The following KIAA0825 variants were observed in gnomAD, a reference collection of about 807,000 sequenced individuals.
KIAA0825 encodes the protein KIAA0825, also known as uncharacterized protein KIAA0825.
A neutral mutation model predicts 147.6 loss-of-function variants in KIAA0825; 119 were observed. That is an observed-to-expected ratio of 0.81 (90% CI 0.69 to 0.94). KIAA0825 has a LOEUF of 0.94. KIAA0825 is among the 40% of genes least tolerant of loss of function. The pLI, the probability that KIAA0825 is intolerant of heterozygous loss-of-function variation, is 0.00. For missense variants in KIAA0825, 1,381 were observed against 1,472.7 expected, an observed-to-expected ratio of 0.94 and a Z score of 1.02; for synonymous variants, 470 against 518.1, an observed-to-expected ratio of 0.91 and a Z score of 1.26.
At chr5:94,477,658 GA>G (rs1762043642) in intron 6 of KIAA0825, among the ~76,000 whole-genome samples, 2 of 152,016 alleles carry the variant, frequency 1.3e-5, no homozygotes, top group South Asian at 4.1e-4. Context: ...AAACAAAGAA[GA>G]AAAATACATA....
intron 20 of KIAA0825, among the ~76,000 whole-genome samples, chr5:94,375,033 C>CTTTT (rs35435550): frequency 3.8e-5 from 5 of 130,494 alleles, no homozygotes; most frequent in South Asian, 2.4e-4. Context: ...CTTTCCTTCT[C>CTTTT]TTTTTTTTTT....
At chr5:94,191,354 G>T (rs930169740) in intron 20 of KIAA0825, among the ~76,000 whole-genome samples, 1 of 152,080 alleles carries the variant, frequency 6.6e-6, no homozygotes. Context: ...GTGATTAGGG[G>T]CAGGACTAAG....
At chr5:94,310,495 T>A (rs1320437844) in intron 20 of KIAA0825, among the ~76,000 whole-genome samples, 1 of 151,774 alleles carries the variant, frequency 6.6e-6, no homozygotes, top group African/African-American at 2.4e-5. Context: ...AAAATAGTTT[T>A]TGTTCTTAGT....
At chr5:94,532,245 T>C (rs1770939025) in intron 3 of KIAA0825, among the ~76,000 whole-genome samples, 1 of 152,098 alleles carries the variant, frequency 6.6e-6, no homozygotes, top group Non-Finnish European at 1.5e-5. Flanking sequence ...CCTCCCAGGC[T>C]CAAGCGATCC....
intron 1 of KIAA0825, among the ~76,000 whole-genome samples, chr5:94,607,273 T>G (rs1787660512): frequency 6.6e-6 from 1 of 152,002 alleles, no homozygotes; most frequent in South Asian, 2.1e-4. Context: ...AACAAAACAT[T>G]ATATGTCATT....
chr5:94,519,998 TA>T (rs1767860731), intron 5 of KIAA0825: 9 of 1,108,248 alleles, frequency 8.1e-6, no homozygotes, highest in Non-Finnish European at 1.0e-5. Flanking sequence ...CAAGAGAAAT[TA>T]AACTCTTATT....
intron 20 of KIAA0825, among the ~76,000 whole-genome samples, chr5:94,195,132 G>A (rs1045143327): frequency 9.9e-5 from 15 of 152,164 alleles, no homozygotes; most frequent in Non-Finnish European, 1.5e-4. Context: ...TGTACTCCCC[G>A]TGGTGACTGA....
intron 20 of KIAA0825, among the ~76,000 whole-genome samples, chr5:94,342,056 C>A (rs571142644): frequency 1.3e-5 from 2 of 151,862 alleles, no homozygotes; most frequent in East Asian, 3.9e-4. Flanking sequence ...GTTAGCCGGG[C>A]GTGGTGGCAG....
intron 1 of KIAA0825, among the ~76,000 whole-genome samples, chr5:94,586,658 T>C (rs1321610740): frequency 1.3e-5 from 2 of 152,208 alleles, no homozygotes; most frequent in South Asian, 2.1e-4. Flanking sequence ...TTCCAATCAA[T>C]AGAAAAAGAG....
chr5:94,160,411 A>C (rs1234775445), intron 20 of KIAA0825, among the ~76,000 whole-genome samples: 1 of 150,260 alleles, frequency 6.7e-6, no homozygotes, highest in Non-Finnish European at 1.5e-5. Flanking sequence ...ATATATGTAT[A>C]CAGTATACAT....
At chr5:94,613,160 T>G (rs1789368583) in intron 1 of KIAA0825, among the ~76,000 whole-genome samples, 1 of 152,180 alleles carries the variant, frequency 6.6e-6, no homozygotes, top group African/African-American at 2.4e-5. Context: ...ATGGGATGTA[T>G]GTATTTCAAG....
chr5:94,234,961 C>A (rs1360846514), intron 20 of KIAA0825, among the ~76,000 whole-genome samples: 1 of 152,072 alleles, frequency 6.6e-6, no homozygotes, highest in Non-Finnish European at 1.5e-5. Flanking sequence ...TGTTTTCTGA[C>A]TGCTCCACCA....
At chr5:94,235,003 T>C (rs1256997219) in intron 20 of KIAA0825, among the ~76,000 whole-genome samples, 1 of 151,976 alleles carries the variant, frequency 6.6e-6, no homozygotes, top group African/African-American at 2.4e-5. Flanking sequence ...CTCCCTCTCC[T>C]TGGGCCTCCC....
At chr5:94,509,111 T>C (rs747162357) in intron 5 of KIAA0825, among the ~76,000 whole-genome samples, 1 of 152,192 alleles carries the variant, frequency 6.6e-6, no homozygotes, top group Non-Finnish European at 1.5e-5. Context: ...CAAAGAGGCA[T>C]TGACAAGTTT....
chr5:94,361,629 A>G (rs1452540659), intron 20 of KIAA0825, among the ~76,000 whole-genome samples: 1 of 151,942 alleles, frequency 6.6e-6, no homozygotes, highest in African/African-American at 2.4e-5. Flanking sequence ...TCACACATAT[A>G]ATCCACATTT....
At chr5:94,302,674 G>T (rs921402005) in intron 20 of KIAA0825, among the ~76,000 whole-genome samples, 1 of 151,676 alleles carries the variant, frequency 6.6e-6, no homozygotes, top group South Asian at 2.1e-4. Context: ...TGAATAAATT[G>T]TCTTACTCAA....
At chr5:94,258,925 G>A (rs763983783) in intron 20 of KIAA0825, among the ~76,000 whole-genome samples, 2 of 151,896 alleles carry the variant, frequency 1.3e-5, no homozygotes, top group Non-Finnish European at 2.9e-5. Context: ...AATCTCTCAC[G>A]ACTCCATTGG....
chr5:94,420,646 C>CAAT (rs1257246496), intron 14 of KIAA0825, among the ~76,000 whole-genome samples: 1 of 151,842 alleles, frequency 6.6e-6, no homozygotes, highest in East Asian at 1.9e-4. Context: ...GCACCTGGAT[C>CAAT]AATGCTACAT....
intron 2 of KIAA0825, among the ~76,000 whole-genome samples, chr5:94,538,094 C>T (rs1312913861): frequency 6.6e-6 from 1 of 152,138 alleles, no homozygotes; most frequent in East Asian, 1.9e-4. Context: ...GATATAGCTG[C>T]AATAAATTAA....
Sources: gnomAD v4.1 joint callset for allele counts (sites outside exome capture counted in the v4.1 genomes callset) on GRCh38, gnomAD v4.1.1 for gene constraint, MANE v1.5 for transcripts, NCBI Gene and HGNC (gene_info 2026-07-23, HGNC 2026-07-21) for gene names.